Variants in POLD3 observed in about 807,000 individuals in gnomAD.
The protein encoded by POLD3 is DNA polymerase delta subunit 3.
A neutral mutation model predicts 58.2 loss-of-function variants in POLD3; 19 were observed. The ratio of observed to expected loss-of-function variants is 0.33; its 90% CI spans 0.23 to 0.48. The LOEUF (loss-of-function observed/expected upper bound fraction) is 0.48. Among genes scored for constraint, POLD3 ranks in the 20% least tolerant of loss-of-function variants. The pLI, the probability that POLD3 is intolerant of heterozygous loss-of-function variation, is 0.99. For missense variants in POLD3, 504 were observed against 545.5 expected (o/e 0.92, Z 0.76); for synonymous variants, 172 against 193.5 (o/e 0.89, Z 0.92).
chr11:74,625,296 C>T (rs1403393171), intron 7 of POLD3, 112 bp from the exon 8 acceptor site: 1 of 779,402 alleles, frequency 1.3e-6, no homozygotes, highest in Admixed American at 2.7e-5. Context: ...CCATGAGCTC[C>T]TTTTTGCCCC....
chr11:74,604,507 C>T (rs967017547), intron 2 of POLD3, 185 bp from the exon 3 acceptor site: 32 of 559,090 alleles, frequency 5.7e-5, no homozygotes, highest in African/African-American at 4.9e-4. Flanking sequence ...GACTCTACTC[C>T]CCATGTCCTG....
intron 3 of POLD3, among the ~76,000 whole-genome samples, chr11:74,607,560 C>G (rs1204824116): frequency 6.6e-6 from 1 of 151,950 alleles, no homozygotes; most frequent in Non-Finnish European, 1.5e-5. Flanking sequence ...GCCACCGCGC[C>G]TGGACTTATT....
chr11:74,611,572 C>T (rs916928846), intron 4 of POLD3, 34 bp downstream of exon 4: 1 of 1,263,518 alleles, frequency 7.9e-7, no homozygotes, highest in Non-Finnish European at 1.1e-6. Flanking sequence ...AGTTTTTCCT[C>T]TTATGGCATC....
At chr11:74,645,312 C>T (rs2032985609), downstream of POLD3, among the ~76,000 whole-genome samples, 2 of 152,152 alleles carry the variant, frequency 1.3e-5, no homozygotes, top group South Asian at 4.1e-4. Context: ...TTTAGTGAAT[C>T]TTTAATTAAT....
downstream of POLD3, among the ~76,000 whole-genome samples, chr11:74,646,250 G>C (rs2032998025): frequency 6.6e-6 from 1 of 152,226 alleles, no homozygotes; most frequent in Non-Finnish European, 1.5e-5. Context: ...TGGGATTACA[G>C]GTGTGAGCCA....
intron 4 of POLD3, among the ~76,000 whole-genome samples, chr11:74,659,289 C>T (rs562922578): frequency 2.6e-5 from 4 of 152,244 alleles, no homozygotes; most frequent in East Asian, 1.9e-4. Context: ...GCACACAGCA[C>T]GGGGACCCTG....
At chr11:74,622,001 C>T (rs2032277491) in intron 7 of POLD3, among the ~76,000 whole-genome samples, 1 of 151,826 alleles carries the variant, frequency 6.6e-6, no homozygotes, top group Admixed American at 6.6e-5. Flanking sequence ...GGTATATCTC[C>T]TAAAGCTATC....
Position 74,596,047 on chromosome 11 carries a change from A to G in POLD3, c.116+1931A>G, listed in dbSNP as rs1449599398. Among the ~76,000 whole-genome samples the G allele has an allele frequency of 2.7e-5, 3 of 111,984 alleles. No homozygotes were observed. The South Asian group carries it at 8.2e-4, about 31-fold the overall frequency. The allele number at this position is 111,984 out of a possible 152,430, so 73.5% of individuals were successfully genotyped here. On this transcript the variant is annotated intron_variant, in intron 2 of 11. Transcript: ENST00000263681. Reference sequence around the variant, plus strand: ...TTAATCTTATTTTTTTTTTTTTTTTAGTAGAGATGAGATCTTGCTATGTTG... The same window carrying G: ...TTAATCTTATTTTTTTTTTTTTTTTGGTAGAGATGAGATCTTGCTATGTTG...
downstream of POLD3, among the ~76,000 whole-genome samples, chr11:74,644,032 A>T (rs1325023483): frequency 6.6e-6 from 1 of 152,144 alleles, no homozygotes; most frequent in East Asian, 1.9e-4. Context: ...TTCTTCTTTG[A>T]CACTCTCAGT....
rs71036003 is a variant in POLD3 at position 74,632,877 on chromosome 11, TACACACAC to T, written c.1007-1656_1007-1649del. ...GGTGGTTTTCCTTTATTTAAGTAAA[TACACACAC>T]ACACACACACACACACACACACACA... On this transcript the variant is annotated intron_variant, in intron 9 of 11. Coordinates refer to ENST00000263681, the MANE Select transcript of POLD3 (RefSeq NM_006591.3). Among the ~76,000 whole-genome samples the T allele has an allele frequency of 4.3e-3, 496 of 115,760 alleles. 4 individuals are homozygous for T. The highest frequency in any genetic ancestry group is 9.9e-3 in the South Asian group (30 of 3,040). 75.9% of individuals were successfully genotyped at this position (115,760 alleles called of 152,430 possible). A position where few individuals can be genotyped will look rare whatever the true frequency, so the allele number is the denominator to read the frequency against.
chr11:74,610,751 C>T lies in POLD3; in HGVS notation c.220-748C>T, dbSNP rs550855738. Among the ~76,000 whole-genome samples, 15 of 152,090 alleles carry T rather than the reference C, an allele frequency of 9.9e-5. 1 individual carries two copies. The highest frequency in any genetic ancestry group is 3.6e-4 in the African/African-American group (15 of 41,502). On this transcript the variant is annotated intron_variant, in intron 3 of 11. Coordinates refer to ENST00000263681, the MANE Select transcript of POLD3 (RefSeq NM_006591.3). ...AGCTTATAGCAGGTTATAGAATTCA[C>T]ACATGTTTTCATGTGCATATATGTG...
At chr11:74,596,431 C>A (rs996861357) in intron 2 of POLD3, among the ~76,000 whole-genome samples, 3 of 152,082 alleles carry the variant, frequency 2.0e-5, no homozygotes, top group African/African-American at 7.2e-5. Flanking sequence ...AGTGATCTGC[C>A]CGCCTCGGCC....
At chr11:74,593,026 C>A in intron 1 of POLD3, 1 of 1,216,730 alleles carries the variant, frequency 8.2e-7, no homozygotes, top group Non-Finnish European at 1.0e-6. Context: ...GTCCCTACAC[C>A]TTTCTTTTAA....
chr11:74,602,329 T>C (rs2031530303), intron 2 of POLD3, among the ~76,000 whole-genome samples: 1 of 152,178 alleles, frequency 6.6e-6, no homozygotes, highest in African/African-American at 2.4e-5. Context: ...TAATAGGCAT[T>C]GCAAATTTAA....
intron 8 of POLD3, among the ~76,000 whole-genome samples, chr11:74,627,718 C>A (rs960159248): frequency 4.6e-5 from 7 of 151,950 alleles, no homozygotes; most frequent in Admixed American, 3.9e-4. Flanking sequence ...ACACAAATAC[C>A]GTTGTGTTAC....
chr11:74,631,448 G>A (rs2032584816), intron 9 of POLD3, among the ~76,000 whole-genome samples: 1 of 149,420 alleles, frequency 6.7e-6, no homozygotes, highest in Non-Finnish European at 1.5e-5. Flanking sequence ...ACAGTGCTTG[G>A]TACATGGTTT....
At chr11:74,663,318 G>A (rs2033227316) in intron 4 of POLD3, among the ~76,000 whole-genome samples, 1 of 152,202 alleles carries the variant, frequency 6.6e-6, no homozygotes. Flanking sequence ...TGGATCAATA[G>A]GTTCAAAGCA....
chr11:74,648,320 G>A (rs1473131574), intron 4 of POLD3, among the ~76,000 whole-genome samples: 1 of 152,178 alleles, frequency 6.6e-6, no homozygotes, highest in African/African-American at 2.4e-5. Flanking sequence ...TCTGGTTGGT[G>A]TTCTAGCTGG....
In POLD3 at chr11:74,625,461, G is replaced by C; in HGVS notation, c.787G>C (p.Val263Leu). ...SEQAVKEEKI[V>L]EQPTVSVTEP... ...ACAAGCAGTGAAAGAAGAAAAAATA[G>C]TGGAGCAGCCTACAGTGTCTGTCAC... is the stretch of plus-strand genomic sequence containing the variant. Residue 263 changes from valine to leucine, a missense_variant, in exon 8 of 12, where the codon GTG (valine) becomes CTG (leucine). Val to Leu is a conservative substitution (Grantham distance 32). Coordinates refer to ENST00000263681, the MANE Select transcript of POLD3 (RefSeq NM_006591.3). 1 of 1,613,328 alleles carries C rather than the reference G, an allele frequency of 6.2e-7. No homozygotes were observed. Among genetic ancestry groups the C allele is most frequent in the Non-Finnish European group, 8.5e-7 (1 of 1,179,566 alleles).
Sources: gnomAD v4.1 joint callset for allele counts (sites outside exome capture counted in the v4.1 genomes callset) on GRCh38, gnomAD v4.1.1 for gene constraint, MANE v1.5 for transcripts, NCBI Gene and HGNC (gene_info 2026-07-23, HGNC 2026-07-21) for gene names.